CNTNAP5: variants seen among roughly 807,000 people sequenced by gnomAD.
CNTNAP5 encodes contactin associated protein family member 5.
In CNTNAP5, 72 loss-of-function variants were observed where a neutral mutation model predicts 150.2. That is an observed-to-expected ratio of 0.48 (90% CI 0.40 to 0.58). The LOEUF (loss-of-function observed/expected upper bound fraction) is 0.58, where lower values mean the gene tolerates loss of function less well. Ranked by LOEUF, CNTNAP5 falls within the 20% of genes least tolerant of loss-of-function variation. CNTNAP5 has a pLI of 0.00. For synonymous variants in CNTNAP5, 672 were observed against 619.8 expected, an observed-to-expected ratio of 1.08 and a Z score of -1.25; for missense variants, 1,636 against 1,626.2, an observed-to-expected ratio of 1.01 and a Z score of -0.10.
intron 17 of CNTNAP5, among the ~76,000 whole-genome samples, chr2:124,773,601 G>T (rs1681252925): frequency 6.6e-6 from 1 of 152,108 alleles, no homozygotes; most frequent in Non-Finnish European, 1.5e-5. Context: ...CTGCTGGTGG[G>T]GGCCTGGAAA....
chr2:124,575,433 C>T (rs1020345658), intron 11 of CNTNAP5, among the ~76,000 whole-genome samples: 13 of 152,274 alleles, frequency 8.5e-5, no homozygotes, highest in Admixed American at 4.6e-4. Flanking sequence ...TTATTTGGAA[C>T]GCTCTTGGGT....
intron 17 of CNTNAP5, among the ~76,000 whole-genome samples, chr2:124,777,619 A>G (rs1036579217): frequency 3.0e-4 from 45 of 152,114 alleles, no homozygotes; most frequent in Non-Finnish European, 7.4e-5. Flanking sequence ...CTGGGCTCAA[A>G]CAATCTGCCC....
intron 1 of CNTNAP5, among the ~76,000 whole-genome samples, chr2:124,030,473 C>G (rs946352425): frequency 1.3e-5 from 2 of 152,036 alleles, no homozygotes; most frequent in Non-Finnish European, 2.9e-5. Context: ...TATCTATTAT[C>G]AAACACCAAA....
intron 19 of CNTNAP5, among the ~76,000 whole-genome samples, chr2:124,809,501 G>A (rs1043758528): frequency 6.6e-6 from 1 of 151,614 alleles, no homozygotes; most frequent in African/African-American, 2.4e-5. Context: ...CAAACTCCTG[G>A]ACTCAAGGGA....
chr2:124,889,445 G>T (rs576411245), intron 21 of CNTNAP5, among the ~76,000 whole-genome samples: 1 of 152,030 alleles, frequency 6.6e-6, no homozygotes, highest in Non-Finnish European at 1.5e-5. Flanking sequence ...GTGAAAGGTA[G>T]GGGTCCAGTT....
At chr2:124,364,222 A>G (rs142242848) in intron 3 of CNTNAP5, among the ~76,000 whole-genome samples, 388 of 152,184 alleles carry the variant, frequency 2.5e-3, no homozygotes, top group South Asian at 4.8e-3. Flanking sequence ...TTTTTCTCTA[A>G]CACACTAGGG....
intron 2 of CNTNAP5, among the ~76,000 whole-genome samples, chr2:124,236,155 G>A (rs1317022112): frequency 2.6e-5 from 4 of 152,088 alleles, no homozygotes; most frequent in Non-Finnish European, 4.4e-5. Context: ...GAGTAGAGAC[G>A]GGGTTTCACC....
chr2:124,353,118 A>G (rs1384518283), intron 3 of CNTNAP5, among the ~76,000 whole-genome samples: 1 of 152,102 alleles, frequency 6.6e-6, no homozygotes, highest in Non-Finnish European at 1.5e-5. Flanking sequence ...GAATGACACA[A>G]AGATCACAGT....
At chr2:124,539,388 C>A (rs576908636) in intron 10 of CNTNAP5, among the ~76,000 whole-genome samples, 3 of 152,082 alleles carry the variant, frequency 2.0e-5, no homozygotes, top group Non-Finnish European at 4.4e-5. Flanking sequence ...ACTTAAAATG[C>A]CCAAAGGAAG....
intron 19 of CNTNAP5, among the ~76,000 whole-genome samples, chr2:124,860,755 G>A (rs77575364): frequency 8.4e-4 from 128 of 152,080 alleles, no homozygotes; most frequent in African/African-American, 2.9e-3. Flanking sequence ...GGAGATGGTA[G>A]GGCCTATTGG....
At chr2:124,845,998 A>C (rs534491782) in intron 19 of CNTNAP5, among the ~76,000 whole-genome samples, 46 of 148,888 alleles carry the variant, frequency 3.1e-4, no homozygotes, top group South Asian at 1.3e-3. Flanking sequence ...TGTTGTTTCA[A>C]TTTCATTCAG....
chr2:124,298,634 G>A (rs1333236574), intron 3 of CNTNAP5, among the ~76,000 whole-genome samples: 1 of 152,112 alleles, frequency 6.6e-6, no homozygotes, highest in African/African-American at 2.4e-5. Context: ...AAATCATGAA[G>A]GTTTGGGGAG....
At chr2:124,235,559 A>G (rs1268003658) in intron 2 of CNTNAP5, among the ~76,000 whole-genome samples, 4 of 152,124 alleles carry the variant, frequency 2.6e-5, no homozygotes, top group Non-Finnish European at 5.9e-5. Context: ...TCCCACTGGG[A>G]TGAAACTCAC....
chr2:124,090,736 C>T (rs769416874), intron 1 of CNTNAP5, among the ~76,000 whole-genome samples: 28 of 152,208 alleles, frequency 1.8e-4, no homozygotes, highest in Admixed American at 3.9e-4. Context: ...AGCCATGATA[C>T]GAGAAACTTT....
chr2:124,602,043 C>A (rs1455361997), intron 11 of CNTNAP5, among the ~76,000 whole-genome samples: 1 of 152,108 alleles, frequency 6.6e-6, no homozygotes, highest in Non-Finnish European at 1.5e-5. Flanking sequence ...CATTTTCAAA[C>A]ATATGAAAAA....
intron 3 of CNTNAP5, among the ~76,000 whole-genome samples, chr2:124,377,082 G>T (rs1161069603): frequency 6.6e-6 from 1 of 152,092 alleles, no homozygotes; most frequent in Admixed American, 6.6e-5. Context: ...GGAGAAAGAA[G>T]TTGGAAAAAA....
At chr2:124,383,683 G>T (rs898731346) in intron 3 of CNTNAP5, among the ~76,000 whole-genome samples, 2 of 152,176 alleles carry the variant, frequency 1.3e-5, no homozygotes, top group African/African-American at 4.8e-5. Flanking sequence ...TATTATGAAG[G>T]AGAAGGCTGA....
In CNTNAP5 at chr2:124,709,230, TGC is replaced by T. The variant is rs943456544; in HGVS notation, c.2078-37997_2078-37996del. On this transcript the variant is annotated intron_variant, in intron 13 of 23. Transcript: ENST00000682447. Reference sequence around the variant, plus strand: ...GGGGGAGGGAGGGTGTGTGTGTGTGTGCGTGTGTGTGTGTGTGTGTGTGTGTG... The same window carrying T: ...GGGGGAGGGAGGGTGTGTGTGTGTGTGTGTGTGTGTGTGTGTGTGTGTGTG... 5.6e-5 allele frequency among the ~76,000 whole-genome samples: 8 copies of T among 143,136 alleles called. No homozygotes were observed. The East Asian group carries it at 1.0e-3, about 18-fold the overall frequency. The allele number at this position is 143,136 out of a possible 152,430, so 93.9% of individuals were successfully genotyped here.
intron 3 of CNTNAP5, among the ~76,000 whole-genome samples, chr2:124,277,036 C>T (rs1032812969): frequency 1.3e-5 from 2 of 152,106 alleles, no homozygotes; most frequent in African/African-American, 4.8e-5. Flanking sequence ...ATGACCTTGA[C>T]AGGCCTCTCC....
Sources: allele counts gnomAD v4.1 joint callset (sites outside exome capture counted in the v4.1 genomes callset), GRCh38; gene constraint gnomAD v4.1.1; transcripts MANE v1.5; gene names NCBI Gene and HGNC (gene_info 2026-07-23, HGNC 2026-07-21).